The following PRPSAP2 variants were observed in gnomAD, a reference collection of about 807,000 sequenced individuals.
The protein encoded by PRPSAP2 is phosphoribosyl pyrophosphate synthase-associated protein 2.
PRPSAP2 carries 24 observed loss-of-function variants against 40.6 expected under a neutral mutation model. The ratio of observed to expected loss-of-function variants is 0.59; its 90% CI spans 0.43 to 0.83. PRPSAP2 has a LOEUF of 0.83. Among genes scored for constraint, PRPSAP2 ranks in the 40% least tolerant of loss-of-function variants. The probability of loss-of-function intolerance (pLI) is 0.00; values close to 1 mark genes in which losing one functional copy is unlikely to be tolerated. For missense variants in PRPSAP2, 292 were observed against 465.6 expected (o/e 0.63, Z 3.43); for synonymous variants, 149 against 164.7 (o/e 0.90, Z 0.73).
chr17:18,926,777 AGTGTGTGTGTGT>A (rs71155377), intron 10 of PRPSAP2, among the ~76,000 whole-genome samples: 5 of 148,328 alleles, frequency 3.4e-5, no homozygotes, highest in African/African-American at 7.4e-5. Context: ...AGTGAGTGTG[AGTGTGTGTGTGT>A]GTGTGTGTGT....
chr17:18,908,199 G>A (rs2040720662), intron 8 of PRPSAP2: 1 of 652,150 alleles, frequency 1.5e-6, no homozygotes, highest in Non-Finnish European at 2.8e-6. Flanking sequence ...AGAAGCTCCT[G>A]CAAGAGGCCA....
intron 9 of PRPSAP2, 108 bp from the exon 10 acceptor site, chr17:18,923,806 T>G (rs1253642862): frequency 2.0e-6 from 2 of 997,480 alleles, no homozygotes; most frequent in South Asian, 3.7e-5. Flanking sequence ...GAAATTCCCT[T>G]GTATTCCTAG....
chr17:18,883,474 C>T (rs1249304121), intron 7 of PRPSAP2, among the ~76,000 whole-genome samples: 1 of 148,462 alleles, frequency 6.7e-6, no homozygotes, highest in African/African-American at 2.5e-5. Context: ...GCAATCTCAG[C>T]CCACTGAAAC....
intron 8 of PRPSAP2, among the ~76,000 whole-genome samples, chr17:18,906,879 T>C (rs2040624506): frequency 6.6e-6 from 1 of 152,120 alleles, no homozygotes; most frequent in Admixed American, 6.6e-5. Flanking sequence ...TTGCTAACAC[T>C]GTAGCAAAGC....
At chr17:18,918,293 G>T (rs926773234) in intron 9 of PRPSAP2, among the ~76,000 whole-genome samples, 1 of 152,140 alleles carries the variant, frequency 6.6e-6, no homozygotes, top group African/African-American at 2.4e-5. Context: ...GAAAAAGAGC[G>T]ACAGCAAGAG....
At chr17:18,884,692 G>A (rs2039003812) in intron 7 of PRPSAP2, among the ~76,000 whole-genome samples, 1 of 152,156 alleles carries the variant, frequency 6.6e-6, no homozygotes, top group Non-Finnish European at 1.5e-5. Flanking sequence ...GATAAAATTG[G>A]CAAATGTCTT....
chr17:18,871,395 A>T (rs8070669), intron 4 of PRPSAP2, among the ~76,000 whole-genome samples: 123,088 of 151,562 alleles, frequency 0.81, 50,118 homozygotes, highest in African/African-American at 0.86. Context: ...GATTTTTTTT[A>T]AAAAATATCT....
chr17:18,892,731 T>TGTG (rs2039641951), intron 8 of PRPSAP2, among the ~76,000 whole-genome samples: 17 of 22,346 alleles, frequency 7.6e-4, no homozygotes, highest in Non-Finnish European at 1.2e-3. Context: ...GTGTGTGTAT[T>TGTG]TATTTATTTA....
intron 10 of PRPSAP2, among the ~76,000 whole-genome samples, chr17:18,924,252 C>T (rs2041849883): frequency 1.3e-5 from 2 of 152,102 alleles, no homozygotes; most frequent in Non-Finnish European, 2.9e-5. Flanking sequence ...GTTGGCCAGG[C>T]TGGTCTCAAG....
chr17:18,900,326 G>C (rs2040191057), intron 8 of PRPSAP2, among the ~76,000 whole-genome samples: 1 of 152,184 alleles, frequency 6.6e-6, no homozygotes, highest in African/African-American at 2.4e-5. Flanking sequence ...CTGGCCTTGG[G>C]TCTTTTTTTA....
intron 7 of PRPSAP2, among the ~76,000 whole-genome samples, chr17:18,887,643 T>A (rs1248151259): frequency 6.6e-6 from 1 of 152,202 alleles, no homozygotes; most frequent in Non-Finnish European, 1.5e-5. Context: ...CTATAACTTT[T>A]AAAAACTTAT....
chr17:18,902,099 T>G (rs572772025), intron 8 of PRPSAP2, among the ~76,000 whole-genome samples: 1 of 152,322 alleles, frequency 6.6e-6, no homozygotes, highest in South Asian at 2.1e-4. Flanking sequence ...ACATTTTTTT[T>G]TCTTTCCCAC....
chr17:18,889,386 C>G (rs1479982687), intron 7 of PRPSAP2, among the ~76,000 whole-genome samples: 1 of 152,138 alleles, frequency 6.6e-6, no homozygotes, highest in Non-Finnish European at 1.5e-5. Context: ...TATCCTTTAA[C>G]AAATTGGTTG....
intron 4 of PRPSAP2, among the ~76,000 whole-genome samples, chr17:18,869,838 T>TGTGTGTGTGTGTGTGTGTGTGTGTGTG (rs58195806): frequency 1.4e-5 from 2 of 139,656 alleles, no homozygotes; most frequent in African/African-American, 5.5e-5. Flanking sequence ...TTGCTACTTT[T>TGTGTGTGTGTGTGTGTGTGTGTGTGTG]TTTTTGTGTG....
Position 18,923,944 on chromosome 17 carries a change from C to T in PRPSAP2, c.764C>T (p.Thr255Met), listed in dbSNP as rs766325318. 1.9e-6 allele frequency: 3 copies of T among 1,613,678 alleles called. No individual in the cohort carries two copies. The highest frequency in any genetic ancestry group is 2.5e-6 in the Non-Finnish European group (3 of 1,179,634). Residue 255 changes from threonine to methionine, a missense_variant, in exon 10 of 12, where the codon ACG becomes ATG. Transcript: ENST00000268835. Reference protein sequence around the residue: ...MLIPKEKPPITVVGDVGGRIA... With the variant: ...MLIPKEKPPIMVVGDVGGRIA... ...ATTCCTAAAGAAAAGCCCCCAATCA[C>T]GGTTGTGGGTGATGTTGGAGGAAGG...
At chr17:18,881,589 T>C (rs1397088296) in intron 6 of PRPSAP2, among the ~76,000 whole-genome samples, 2 of 151,710 alleles carry the variant, frequency 1.3e-5, no homozygotes, top group African/African-American at 4.8e-5. Context: ...CAGACTGGAA[T>C]GCAGTGGCTC....
chr17:18,871,169 G>A (rs1188734915), intron 4 of PRPSAP2, among the ~76,000 whole-genome samples: 1 of 151,888 alleles, frequency 6.6e-6, no homozygotes, highest in East Asian at 1.9e-4. Context: ...ATAGGTGTGT[G>A]CCACCAAGCC....
At chr17:18,916,740 G>A (rs1188383851) in intron 9 of PRPSAP2, among the ~76,000 whole-genome samples, 3 of 152,214 alleles carry the variant, frequency 2.0e-5, no homozygotes, top group Non-Finnish European at 4.4e-5. Flanking sequence ...AGACTGGGAA[G>A]TCCTGGATCA....
chr17:18,859,825 A>C (rs111869687), intron 1 of PRPSAP2: 1 of 152,076 alleles, frequency 6.6e-6, no homozygotes, highest in South Asian at 2.1e-4. Context: ...GCTCACTGCA[A>C]CCTCTGCCTC....
Sources: gnomAD v4.1 joint callset for allele counts (sites outside exome capture counted in the v4.1 genomes callset) on GRCh38, gnomAD v4.1.1 for gene constraint, MANE v1.5 for transcripts, NCBI Gene and HGNC (gene_info 2026-07-23, HGNC 2026-07-21) for gene names.